LOC400499: variants seen among roughly 807,000 people sequenced by gnomAD.
At chr16:11,496,668 G>A in the LOC400499 span, among the ~76,000 whole-genome samples, 1 of 152,158 alleles carries the variant, frequency 6.6e-6, no homozygotes, top group Non-Finnish European at 1.5e-5. Flanking sequence ...GCGTCCAGGT[G>A]CGTGTGTGTG....
the LOC400499 span, among the ~76,000 whole-genome samples, chr16:11,388,002 G>T: frequency 6.6e-6 from 1 of 152,068 alleles, no homozygotes; most frequent in African/African-American, 2.4e-5. Context: ...AAGCCTGTGA[G>T]ATTTGAATGA....
the LOC400499 span, among the ~76,000 whole-genome samples, chr16:11,373,048 C>G: frequency 6.6e-6 from 1 of 152,124 alleles, no homozygotes; most frequent in Non-Finnish European, 1.5e-5. Context: ...ACCCTCGACA[C>G]AGAGAAGACC....
the LOC400499 span, among the ~76,000 whole-genome samples, chr16:11,481,085 G>A: frequency 6.6e-6 from 1 of 152,220 alleles, no homozygotes; most frequent in African/African-American, 2.4e-5. Context: ...AGGCTAAGAG[G>A]AAGAAGCCAG....
the LOC400499 span, among the ~76,000 whole-genome samples, chr16:11,437,788 G>T: frequency 6.6e-6 from 1 of 152,190 alleles, no homozygotes; most frequent in East Asian, 1.9e-4. Flanking sequence ...AGAATCGCTT[G>T]AACCTGGGAG....
chr16:11,431,062 A>T, the LOC400499 span: 1 of 399,060 alleles, frequency 2.5e-6, no homozygotes, highest in Non-Finnish European at 4.4e-6. Flanking sequence ...CTTCTGCTTC[A>T]GCCTTCCTGT....
At chr16:11,524,852 C>T in the LOC400499 span, among the ~76,000 whole-genome samples, 1 of 152,176 alleles carries the variant, frequency 6.6e-6, no homozygotes, top group African/African-American at 2.4e-5. Flanking sequence ...CACCCGTGCC[C>T]TCCTATGCAT....
At chr16:11,385,099 A>G in the LOC400499 span, 1 of 1,231,986 alleles carries the variant, frequency 8.1e-7, no homozygotes, top group Non-Finnish European at 1.0e-6. Context: ...AGGAGGTCTG[A>G]CCCACAGCCA....
At chr16:11,509,292 G>A in the LOC400499 span, among the ~76,000 whole-genome samples, 1 of 150,838 alleles carries the variant, frequency 6.6e-6, no homozygotes, top group Non-Finnish European at 1.5e-5. Context: ...TAATTTTTTT[G>A]TATTTTTAGT....
the LOC400499 span, chr16:11,494,765 G>A: frequency 5.0e-6 from 2 of 399,110 alleles, no homozygotes; most frequent in Non-Finnish European, 8.8e-6. Flanking sequence ...CAGTGGCTGG[G>A]GACAGAAATC....
At chr16:11,419,343 A>C in the LOC400499 span, among the ~76,000 whole-genome samples, 2 of 151,978 alleles carry the variant, frequency 1.3e-5, no homozygotes, top group Non-Finnish European at 2.9e-5. Context: ...AAAACAAGCA[A>C]TGGGGAAAGG....
the LOC400499 span, among the ~76,000 whole-genome samples, chr16:11,384,578 A>C: frequency 5.3e-5 from 8 of 152,214 alleles, no homozygotes; most frequent in African/African-American, 1.9e-4. Context: ...TCCTCAGCTC[A>C]AGTGGCTGGA....
the LOC400499 span, among the ~76,000 whole-genome samples, chr16:11,398,851 G>C: frequency 6.6e-6 from 1 of 152,020 alleles, no homozygotes; most frequent in Non-Finnish European, 1.5e-5. Flanking sequence ...AGTAGAGATG[G>C]GGTTTCGCCA....
chr16:11,520,693 T>G, the LOC400499 span, among the ~76,000 whole-genome samples: 2 of 145,404 alleles, frequency 1.4e-5, no homozygotes, highest in African/African-American at 5.1e-5. Context: ...AAAAAAAAAG[T>G]TGTACCCTTG....
At chr16:11,513,949 C>G in the LOC400499 span, among the ~76,000 whole-genome samples, 2 of 152,058 alleles carry the variant, frequency 1.3e-5, no homozygotes, top group Admixed American at 1.3e-4. Context: ...ATATAGGCCT[C>G]GCTTGTTTCT....
chr16:11,495,939 G>C, the LOC400499 span, among the ~76,000 whole-genome samples: 1 of 152,180 alleles, frequency 6.6e-6, no homozygotes. Context: ...TGCAAATTCT[G>C]GGCTCACTCT....
At chr16:11,509,558 C>G in the LOC400499 span, among the ~76,000 whole-genome samples, 1 of 151,802 alleles carries the variant, frequency 6.6e-6, no homozygotes, top group Non-Finnish European at 1.5e-5. Context: ...GTGCCTGGCA[C>G]AGAGGCTCAT....
At chr16:11,486,119 G>A in the LOC400499 span, among the ~76,000 whole-genome samples, 1 of 147,232 alleles carries the variant, frequency 6.8e-6, no homozygotes, top group Middle Eastern at 3.3e-3. Context: ...TGATACATGG[G>A]TAGACAGATG....
the LOC400499 span, among the ~76,000 whole-genome samples, chr16:11,397,032 C>T: frequency 3.3e-5 from 5 of 152,182 alleles, no homozygotes; most frequent in South Asian, 1.0e-3. Context: ...TTCATTCCTG[C>T]ACAACGTTTA....
chr16:11,375,371 T>G, the LOC400499 span, among the ~76,000 whole-genome samples: 34 of 136,710 alleles, frequency 2.5e-4, 2 homozygotes, highest in Non-Finnish European at 3.1e-5. Flanking sequence ...TGGAGTGCAG[T>G]GGCGGGACCT....
Sources: allele counts gnomAD v4.1 joint callset (sites outside exome capture counted in the v4.1 genomes callset), GRCh38; gene constraint gnomAD v4.1.1; transcripts MANE v1.5.